RYR3: variants seen among roughly 807,000 people sequenced by gnomAD.
The protein encoded by RYR3 is brain ryanodine receptor-calcium release channel.
RYR3 carries 207 observed loss-of-function variants against 584.3 expected under a neutral mutation model. The ratio of observed to expected loss-of-function variants is 0.35; its 90% CI spans 0.32 to 0.40. RYR3 has a LOEUF of 0.40. Ranked by LOEUF, RYR3 falls within the 10% of genes least tolerant of loss-of-function variation. The probability of loss-of-function intolerance (pLI) is 1.00; values close to 1 mark genes in which losing one functional copy is unlikely to be tolerated. For synonymous variants in RYR3, 2,416 were observed against 2,248.5 expected (o/e 1.07, Z -2.11); for missense variants, 5,616 against 6,089.2 (o/e 0.92, Z 2.59).
intron 1 of RYR3, among the ~76,000 whole-genome samples, chr15:33,368,993 A>G (rs1424837811): frequency 6.6e-6 from 1 of 152,244 alleles, no homozygotes; most frequent in Non-Finnish European, 1.5e-5. Flanking sequence ...CTTGCTGTGC[A>G]CCAGCACTGA....
intron 1 of RYR3, among the ~76,000 whole-genome samples, chr15:33,414,145 A>T (rs1419274131): frequency 6.6e-6 from 1 of 152,184 alleles, no homozygotes; most frequent in Non-Finnish European, 1.5e-5. Flanking sequence ...ACAGAAATTA[A>T]TTAGTCATAC....
intron 1 of RYR3, among the ~76,000 whole-genome samples, chr15:33,432,668 T>G (rs2944599): frequency 0.016 from 2,172 of 132,162 alleles, 31 homozygotes; most frequent in Non-Finnish European, 0.025. Context: ...GCCTAGCTAA[T>G]TGTGTGTGTG....
chr15:33,718,704 C>T lies in RYR3; in HGVS notation c.6620-4011C>T, dbSNP rs374002339. On this transcript the variant is annotated intron_variant, in intron 43 of 103. Transcript: ENST00000634891. ...TGGGCTGAAGGTTAAATAATTATTT[C>T]CCTGCTAACTGTCCCTGTGGTGGGT... is the stretch of plus-strand genomic sequence containing the variant. Among the ~76,000 whole-genome samples, 5 of 152,276 alleles carry T rather than the reference C, an allele frequency of 3.3e-5. No individual in the cohort carries two copies. The East Asian group carries it at 9.6e-4, about 29-fold the overall frequency.
intron 3 of RYR3, among the ~76,000 whole-genome samples, chr15:33,508,702 T>C (rs17236126): frequency 0.018 from 2,806 of 152,228 alleles, 54 homozygotes; most frequent in East Asian, 0.074. Flanking sequence ...TGGAAAGATA[T>C]TATTTCTGCA....
intron 19 of RYR3, among the ~76,000 whole-genome samples, chr15:33,615,483 A>G (rs1269645481): frequency 2.6e-5 from 4 of 152,250 alleles, no homozygotes; most frequent in Non-Finnish European, 5.9e-5. Context: ...ATGTTTGTAT[A>G]TATACACAAG....
At chr15:33,541,564 G>A (rs1418442666) in intron 7 of RYR3, among the ~76,000 whole-genome samples, 1 of 152,006 alleles carries the variant, frequency 6.6e-6, no homozygotes, top group Non-Finnish European at 1.5e-5. Context: ...GTGACCTATG[G>A]GCTATTGTGT....
intron 16 of RYR3, among the ~76,000 whole-genome samples, chr15:33,592,385 G>A (rs1046896242): frequency 1.3e-5 from 2 of 152,148 alleles, no homozygotes; most frequent in African/African-American, 4.8e-5. Flanking sequence ...TAGAATGGTA[G>A]CACTATTGCT....
Position 33,831,085 on chromosome 15 carries a change from C to T in RYR3, c.11457C>T (p.Tyr3819=), listed in dbSNP as rs1018554741. The change falls in exon 86 of 104, where the codon TAC becomes TAT. Residue 3819 remains tyrosine, a synonymous_variant. Coordinates refer to ENST00000634891, the MANE Select transcript of RYR3 (RefSeq NM_001036.6). ...AGATTTTCAATTCTCTTACAGAATACATCCAGGTATGTGCTACAGAGTGCA... is the reference window on the plus strand; with the variant it reads ...AGATTTTCAATTCTCTTACAGAATATATCCAGGTATGTGCTACAGAGTGCA... ...TKQIFNSLTE[Y]IQGPCIGNQQ... is the part of the protein sequence containing the mutation. 5 of 1,613,118 alleles carry T rather than the reference C, an allele frequency of 3.1e-6. No individual in the cohort carries two copies. Among genetic ancestry groups the T allele is most frequent in the Middle Eastern group, 3.3e-4 (2 of 6,060 alleles).
intron 2 of RYR3, among the ~76,000 whole-genome samples, chr15:33,474,443 C>T (rs1048779889): frequency 6.6e-6 from 1 of 152,184 alleles, no homozygotes; most frequent in African/African-American, 2.4e-5. Flanking sequence ...GGTAGAGTTC[C>T]TTCTTTTCTA....
rs1157081900 is a variant in RYR3, at chr15:33,623,904, A to G, written c.2455A>G (p.Met819Val). The change falls in exon 20 of 104, where the codon ATG becomes GTG. Residue 819 changes from methionine to valine, a missense_variant. Transcript: ENST00000634891. ...TGAAGCCTTACTTCCAAAAGAGAAG[A>G]TGAGATTGGAGCCTGTCAAAGAATA... is the stretch of plus-strand genomic sequence containing the variant. ...CYEALLPKEK[M>V]RLEPVKEYKR... The G allele has an allele frequency of 6.2e-7, 1 of 1,613,856 alleles. No homozygotes were observed. The highest frequency in any genetic ancestry group is 8.5e-7 in the Non-Finnish European group (1 of 1,179,778).
intron 45 of RYR3, among the ~76,000 whole-genome samples, chr15:33,725,775 T>C (rs1331945389): frequency 3.5e-5 from 5 of 141,264 alleles, no homozygotes; most frequent in African/African-American, 1.1e-4. Flanking sequence ...CTGGCTGACA[T>C]GATGAAACCC....
intron 20 of RYR3, among the ~76,000 whole-genome samples, chr15:33,626,831 A>G (rs182262261): frequency 6.6e-6 from 1 of 152,312 alleles, no homozygotes; most frequent in Non-Finnish European, 1.5e-5. Context: ...ACAGAAGTCA[A>G]GAATTGAGGT....
In RYR3 at chr15:33,581,386, G is replaced by C; in HGVS notation, c.1438-122G>C. On this transcript the variant is annotated intron_variant, in intron 13 of 103. Transcript: ENST00000634891. The stretch of plus-strand genomic sequence containing the variant: ...AAACAAACCCAACTGGCACCATGAA[G>C]GTCTATTTGCATATTGGCATTTTCA... The C allele has an allele frequency of 6.2e-6, 6 of 974,720 alleles. No individual in the cohort carries two copies. The Middle Eastern group carries it at 8.9e-4, about 145-fold the overall frequency. The allele number at this position is 974,720 out of a possible 1,614,324, so 60.4% of individuals were successfully genotyped here. A position where few individuals can be genotyped will look rare whatever the true frequency, so the allele number is the denominator to read the frequency against.
intron 17 of RYR3, among the ~76,000 whole-genome samples, chr15:33,602,840 G>A (rs545266086): frequency 6.9e-6 from 1 of 145,590 alleles, no homozygotes; most frequent in Non-Finnish European, 1.5e-5. Flanking sequence ...TGAACTGCTA[G>A]GCTCAAGCAG....
In RYR3 at chr15:33,311,236, C is replaced by T; in HGVS notation, c.51+140C>T. 1.8e-6 allele frequency: 1 copy of T among 555,470 alleles called. No homozygotes were observed. Among genetic ancestry groups the T allele is most frequent in the Non-Finnish European group, 2.8e-6 (1 of 352,878 alleles). 34.4% of individuals were successfully genotyped at this position (555,470 alleles called of 1,614,324 possible). On this transcript the variant is annotated intron_variant, in intron 1 of 103. Transcript: ENST00000634891. This position sits in a 1 kb window ranked among gnomAD's most constrained non-coding sequence, Gnocchi z 4.4. Reference sequence around the variant, plus strand: ...TCTCCGCACCCGCGGGCTGCAGAGGCGGACCGGCCACCTACCCGCGGGGCC... The same window carrying T: ...TCTCCGCACCCGCGGGCTGCAGAGGTGGACCGGCCACCTACCCGCGGGGCC...
intron 60 of RYR3, among the ~76,000 whole-genome samples, chr15:33,765,368 C>T (rs533849695): frequency 4.6e-5 from 7 of 152,166 alleles, no homozygotes; most frequent in South Asian, 2.1e-4. Flanking sequence ...CGCGGTGGCT[C>T]ACACCTGTAA....
At chr15:33,731,375 T>C (rs1567045825) in intron 47 of RYR3, 99 bp from the exon 48 acceptor site, 7 of 781,010 alleles carry the variant, frequency 9.0e-6, no homozygotes, top group Non-Finnish European at 1.5e-5. Flanking sequence ...CGTGGACATA[T>C]ATAAGCTCCC....
At chr15:33,647,982 A>C (rs2062198388) in intron 30 of RYR3, among the ~76,000 whole-genome samples, 1 of 112,564 alleles carries the variant, frequency 8.9e-6, no homozygotes, top group Non-Finnish European at 1.8e-5. Context: ...CTTCTTTAGC[A>C]TCTGGCAAAA....
intron 1 of RYR3, among the ~76,000 whole-genome samples, chr15:33,429,010 C>T (rs1036637399): frequency 1.3e-5 from 2 of 152,126 alleles, no homozygotes; most frequent in African/African-American, 2.4e-5. Context: ...AGTTAAGTTG[C>T]CCAGTGGCTG....
Sources: allele counts gnomAD v4.1 joint callset (sites outside exome capture counted in the v4.1 genomes callset), GRCh38; gene constraint gnomAD v4.1.1; non-coding constraint Gnocchi (gnomAD v3.1); transcripts MANE v1.5; gene names NCBI Gene and HGNC (gene_info 2026-07-23, HGNC 2026-07-21).